Variants in CCSER2 observed in about 807,000 individuals in gnomAD.
CCSER2 encodes the protein serine-rich coiled-coil domain-containing protein 2.
A neutral mutation model predicts 92.3 loss-of-function variants in CCSER2; 46 were observed. That is an observed-to-expected ratio of 0.50 (90% confidence interval 0.39 to 0.64). The LOEUF is 0.64. Ranked by LOEUF, CCSER2 falls within the 30% of genes least tolerant of loss-of-function variation. The pLI is 0.00. For synonymous variants in CCSER2, 433 were observed against 431.4 expected, an observed-to-expected ratio of 1.00 and a Z score of -0.04; for missense variants, 1,244 against 1,238.9, an observed-to-expected ratio of 1.00 and a Z score of -0.06.
At chr10:84,341,340 A>ACT (rs1252936023) in intron 1 of CCSER2, among the ~76,000 whole-genome samples, 1 of 119,596 alleles carries the variant, frequency 8.4e-6, no homozygotes, top group Non-Finnish European at 1.6e-5. Flanking sequence ...GGCCTTTGTA[A>ACT]CTCTTTTTTT....
intron 3 of CCSER2, among the ~76,000 whole-genome samples, chr10:84,403,866 C>T (rs1336637649): frequency 6.6e-6 from 1 of 152,058 alleles, no homozygotes; most frequent in African/African-American, 2.4e-5. Flanking sequence ...ATGCTCCAAG[C>T]TAAATAAATT....
At chr10:84,445,247 G>C in intron 6 of CCSER2, among the ~76,000 whole-genome samples, 1 of 152,016 alleles carries the variant, frequency 6.6e-6, no homozygotes, top group African/African-American at 2.4e-5. Flanking sequence ...TCCGCCTCCT[G>C]GGCTCACACC....
intron 7 of CCSER2, among the ~76,000 whole-genome samples, chr10:84,465,296 A>C (rs1163412426): frequency 4.1e-4 from 56 of 137,876 alleles, no homozygotes; most frequent in Non-Finnish European, 6.7e-4. Flanking sequence ...TGTGTGAAAA[A>C]GTTTTTTACA....
intron 6 of CCSER2, among the ~76,000 whole-genome samples, chr10:84,445,251 T>A (rs1844838996): frequency 6.6e-6 from 1 of 152,134 alleles, no homozygotes; most frequent in East Asian, 1.9e-4. Context: ...CCTCCTGGGC[T>A]CACACCATTC....
At chr10:84,363,845 A>G (rs1232778032) in intron 1 of CCSER2, among the ~76,000 whole-genome samples, 1 of 152,184 alleles carries the variant, frequency 6.6e-6, no homozygotes, top group Non-Finnish European at 1.5e-5. Flanking sequence ...GTTCTGAGAA[A>G]TGCCTCCTTA....
At chr10:84,374,244 A>G (rs941036324) in intron 3 of CCSER2, among the ~76,000 whole-genome samples, 1 of 152,122 alleles carries the variant, frequency 6.6e-6, no homozygotes, top group Non-Finnish European at 1.5e-5. Context: ...ATCTAGCCTA[A>G]GATGGCAGTA....
intron 3 of CCSER2, among the ~76,000 whole-genome samples, chr10:84,404,581 G>C (rs1842283796): frequency 6.6e-6 from 1 of 152,130 alleles, no homozygotes; most frequent in South Asian, 2.1e-4. Context: ...GAGCATGTTT[G>C]TCCGATTAGC....
intron 7 of CCSER2, among the ~76,000 whole-genome samples, chr10:84,467,797 A>G (rs1488975587): frequency 6.6e-6 from 1 of 152,166 alleles, no homozygotes; most frequent in Non-Finnish European, 1.5e-5. Context: ...TCACCCTTGA[A>G]TGCTCCTCTG....
At chr10:84,388,251 A>G (rs972897658) in intron 3 of CCSER2, among the ~76,000 whole-genome samples, 2 of 152,192 alleles carry the variant, frequency 1.3e-5, no homozygotes, top group African/African-American at 4.8e-5. Flanking sequence ...TCTTCTTAGT[A>G]TGAATGTTTA....
At chr10:84,392,316 CAAAAAAAAAAAAAAA>C (rs71473611) in intron 3 of CCSER2, among the ~76,000 whole-genome samples, 1 of 53,860 alleles carries the variant, frequency 1.9e-5, no homozygotes, top group Non-Finnish European at 3.1e-5. Flanking sequence ...TCTGAAGAAG[CAAAAAAAAAAAAAAA>C]AAAAAAAAAA....
At chr10:84,437,162 GAGAGAGAGAGAGAC>G in intron 5 of CCSER2, among the ~76,000 whole-genome samples, 1 of 151,160 alleles carries the variant, frequency 6.6e-6, no homozygotes, top group East Asian at 2.0e-4. Context: ...GAGAGAGAGA[GAGAGAGAGAGAGAC>G]AGAGAGACAG....
intron 7 of CCSER2, among the ~76,000 whole-genome samples, chr10:84,465,109 A>T (rs1846315381): frequency 6.6e-6 from 1 of 151,858 alleles, no homozygotes; most frequent in Non-Finnish European, 1.5e-5. Context: ...GGTTCACAGC[A>T]GGCCATCTCT....
chr10:84,363,307 CT>C (rs1845610250), intron 1 of CCSER2, among the ~76,000 whole-genome samples: 1 of 151,984 alleles, frequency 6.6e-6, no homozygotes, highest in South Asian at 2.1e-4. Context: ...TATTTAATTG[CT>C]ATAATCAAGC....
chr10:84,438,535 C>A lies in CCSER2; in HGVS notation c.1892C>A (p.Pro631His). 2 of 1,611,280 alleles carry A rather than the reference C, an allele frequency of 1.2e-6. No individual in the cohort carries two copies. Among genetic ancestry groups the A allele is most frequent in the Non-Finnish European group, 1.7e-6 (2 of 1,178,350 alleles). The change falls in exon 6 of 10, where the codon CCT (proline) becomes CAT (histidine). Residue 631 changes from proline (P) to histidine (H), a missense_variant. Pro to His is a moderately conservative substitution (Grantham distance 77). Coordinates refer to ENST00000372088, the MANE Select transcript of CCSER2 (RefSeq NM_001284240.2). ...AGAGGCTCTCCCTATAGAGAATCTC[C>A]TTTGGGTCATTTTGAAAGCTATGGA... is the stretch of plus-strand genomic sequence containing the variant. ...LSRGSPYRES[P>H]LGHFESYGGM...
In CCSER2 at chr10:84,370,282, C is replaced by T. The variant is rs572558389; in HGVS notation, c.-39-732C>T. 2.4e-4 allele frequency among the ~76,000 whole-genome samples: 36 copies of T among 152,160 alleles called. No individual in the cohort carries two copies. The South Asian group carries it at 4.1e-3, about 18-fold the overall frequency. The stretch of plus-strand genomic sequence containing the variant: ...CATGAGTGTGGGATGTATTTCCATT[C>T]GTTTGCATTGTCTGTGATTTCTTTC... On this transcript the variant is annotated intron_variant, in intron 1 of 9. Coordinates refer to ENST00000372088, the MANE Select transcript of CCSER2 (RefSeq NM_001284240.2).
intron 3 of CCSER2, among the ~76,000 whole-genome samples, chr10:84,414,345 G>A (rs902331590): frequency 1.3e-5 from 2 of 152,190 alleles, no homozygotes; most frequent in African/African-American, 4.8e-5. Context: ...CAGACTTGGT[G>A]ATGATGTATT....
At chr10:84,485,298 A>C (rs750619759) in intron 9 of CCSER2, among the ~76,000 whole-genome samples, 1 of 152,188 alleles carries the variant, frequency 6.6e-6, no homozygotes, top group Non-Finnish European at 1.5e-5. Flanking sequence ...AATGATCATC[A>C]TATTTAAGGT....
chr10:84,329,155 C>T (rs955819853), intron 1 of CCSER2, among the ~76,000 whole-genome samples: 1 of 152,128 alleles, frequency 6.6e-6, no homozygotes, highest in Non-Finnish European at 1.5e-5. Flanking sequence ...AGGGAAAGTA[C>T]CGGGGCTCCC....
chr10:84,371,006 C>T lies in CCSER2; in HGVS notation c.-39-8C>T. On this transcript the variant is annotated splice_region_variant and splice_polypyrimidine_tract_variant and intron_variant, in intron 1 of 9. Transcript: ENST00000372088. ...AATGTTTAATGTACTTCTTTTTTCT[C>T]TTCACAGATTCTTTCAACTTTTAAG... is the stretch of plus-strand genomic sequence containing the variant. The T allele has an allele frequency of 8.1e-7, 1 of 1,230,406 alleles. No homozygotes were observed. Among genetic ancestry groups the T allele is most frequent in the Non-Finnish European group, 1.1e-6 (1 of 890,256 alleles). 76.2% of individuals were successfully genotyped at this position (1,230,406 alleles called of 1,614,324 possible).
Sources: allele counts gnomAD v4.1 joint callset (sites outside exome capture counted in the v4.1 genomes callset), GRCh38; gene constraint gnomAD v4.1.1; transcripts MANE v1.5; gene names NCBI Gene and HGNC (gene_info 2026-07-23, HGNC 2026-07-21).